The following IL6R variants were observed in gnomAD, a reference collection of about 807,000 sequenced individuals.
IL6R encodes the protein interleukin-6 receptor subunit alpha.
Under a neutral mutation model 48.3 loss-of-function variants are expected in IL6R, and 38 were observed. The observed-to-expected ratio is 0.79, with a 90% CI of 0.61 to 1.03. The LOEUF is 1.03. IL6R is among the 50% of genes least tolerant of loss of function. The pLI, the probability that IL6R is intolerant of heterozygous loss-of-function variation, is 0.00. For synonymous variants in IL6R, 264 were observed against 256.2 expected, an observed-to-expected ratio of 1.03 and a Z score of -0.29; for missense variants, 534 against 618.3, an observed-to-expected ratio of 0.86 and a Z score of 1.45.
intron 6 of IL6R, among the ~76,000 whole-genome samples, chr1:154,436,466 G>A (rs1158883214): frequency 6.6e-6 from 1 of 152,176 alleles, no homozygotes; most frequent in African/African-American, 2.4e-5. Flanking sequence ...TGATAAGAAC[G>A]AAACTCCGTC....
At chr1:154,414,836 G>A (rs1246515367) in intron 1 of IL6R, 4 of 754,840 alleles carry the variant, frequency 5.3e-6, no homozygotes, top group African/African-American at 1.7e-5. Flanking sequence ...AGGAGATTGA[G>A]GCCCAAGAGC....
At chr1:154,457,116 A>G (rs1690927836) in intron 9 of IL6R, among the ~76,000 whole-genome samples, 1 of 152,080 alleles carries the variant, frequency 6.6e-6, no homozygotes, top group Non-Finnish European at 1.5e-5. Flanking sequence ...TCATGTCAGG[A>G]GTTCAAGACC....
At chr1:154,448,875 C>CTTCTTTTTTTTT in intron 7 of IL6R, among the ~76,000 whole-genome samples, 1 of 73,330 alleles carries the variant, frequency 1.4e-5, no homozygotes, top group Non-Finnish European at 2.7e-5. Flanking sequence ...CTTGTAAGGG[C>CTTCTTTTTTTTT]TTTTTTTTTT....
At chr1:154,406,172 G>C (rs970204294) in intron 1 of IL6R, among the ~76,000 whole-genome samples, 3 of 152,026 alleles carry the variant, frequency 2.0e-5, no homozygotes, top group Non-Finnish European at 4.4e-5. Flanking sequence ...GGTCCACCTC[G>C]CCTGGTCCTC....
At chr1:154,414,468 T>C in intron 1 of IL6R, 1 of 1,130,630 alleles carries the variant, frequency 8.8e-7, no homozygotes, top group Non-Finnish European at 1.3e-6. Flanking sequence ...CCGGCAAAAC[T>C]ATATTAGTTG....
intron 1 of IL6R, among the ~76,000 whole-genome samples, chr1:154,418,589 G>T (rs1688485583): frequency 6.6e-6 from 1 of 152,212 alleles, no homozygotes; most frequent in African/African-American, 2.4e-5. Flanking sequence ...AGGTTGCTGG[G>T]CCTCCCATTA....
intron 9 of IL6R, among the ~76,000 whole-genome samples, chr1:154,457,906 G>A (rs1020437068): frequency 1.3e-5 from 2 of 151,988 alleles, no homozygotes; most frequent in African/African-American, 4.8e-5. Flanking sequence ...AGATTAGCAA[G>A]ATGACTACTC....
intron 8 of IL6R, among the ~76,000 whole-genome samples, chr1:154,451,611 C>CT (rs1443427474): frequency 2.0e-5 from 3 of 151,510 alleles, no homozygotes; most frequent in Admixed American, 1.3e-4. Flanking sequence ...GATTTTTTTT[C>CT]TTTTTTTTGA....
In IL6R at chr1:154,405,429, G is replaced by A; in HGVS notation, c.-201G>A. ...GCACTGACACTGAGCCGGGCCAGAGGGAGAGGAGCCGAGCGCGGCGCGGGG... is the reference window on the plus strand; with the variant it reads ...GCACTGACACTGAGCCGGGCCAGAGAGAGAGGAGCCGAGCGCGGCGCGGGG... On this transcript the variant is annotated 5_prime_UTR_variant, in exon 1 of 10. Coordinates refer to ENST00000368485, the MANE Select transcript of IL6R (RefSeq NM_000565.4). The surrounding 1 kb of genome is among the most constrained non-coding windows in gnomAD (Gnocchi z 5.2). The A allele has an allele frequency of 3.7e-6, 2 of 540,014 alleles. No homozygotes were observed. The highest frequency in any genetic ancestry group is 3.4e-5 in the East Asian group (1 of 29,274). 33.5% of individuals were successfully genotyped at this position (540,014 alleles called of 1,614,324 possible). A position where few individuals can be genotyped will look rare whatever the true frequency, so the allele number is the denominator to read the frequency against.
chr1:154,418,508 C>A, intron 1 of IL6R: 1 of 675,018 alleles, frequency 1.5e-6, no homozygotes, highest in Non-Finnish European at 1.8e-6. Flanking sequence ...GGAGCAGGGG[C>A]CTGCCAGCCA....
intron 8 of IL6R, among the ~76,000 whole-genome samples, chr1:154,452,623 A>G (rs1000001560): frequency 1.3e-5 from 2 of 151,768 alleles, no homozygotes; most frequent in African/African-American, 4.8e-5. Flanking sequence ...CGAGGTCAGG[A>G]GATCAGGACC....
chr1:154,465,179 A>C lies in IL6R; in HGVS notation c.1206A>C (p.Thr402=), dbSNP rs1302604079. The change falls in exon 10 of 10, where the codon ACA becomes ACC. Residue 402 remains threonine, a synonymous_variant. Transcript: ENST00000368485. The part of the protein sequence containing the change: ...WKLRALKEGK[T]SMHPPYSLGQ... ...TGCGGGCTCTGAAGGAAGGCAAGAC[A>C]AGCATGCATCCGCCGTACTCTTTGG... The C allele has an allele frequency of 3.7e-6, 6 of 1,614,040 alleles. No homozygotes were observed. Among genetic ancestry groups the C allele is most frequent in the Non-Finnish European group, 4.2e-6 (5 of 1,180,014 alleles).
chr1:154,430,065 A>G (rs1002897680), intron 2 of IL6R, among the ~76,000 whole-genome samples: 1 of 152,132 alleles, frequency 6.6e-6, no homozygotes, highest in Non-Finnish European at 1.5e-5. Context: ...CTTGTCAGGG[A>G]AAGCAGGCTT....
intron 1 of IL6R, among the ~76,000 whole-genome samples, chr1:154,418,150 G>A (rs1202509450): frequency 3.9e-5 from 6 of 152,214 alleles, no homozygotes; most frequent in South Asian, 2.1e-4. Context: ...GATTACAGGC[G>A]TGAGCTGCCG....
intron 1 of IL6R, chr1:154,414,255 A>G (rs1224231632): frequency 3.9e-6 from 2 of 515,982 alleles, no homozygotes; most frequent in Admixed American, 6.8e-5. Flanking sequence ...CCAATATTTT[A>G]TTTTTATTTA....
At chr1:154,425,380 G>A (rs1000247425) in intron 1 of IL6R, among the ~76,000 whole-genome samples, 39 of 152,104 alleles carry the variant, frequency 2.6e-4, no homozygotes, top group African/African-American at 8.0e-4. Flanking sequence ...CAAAACAATG[G>A]GAATGACCGC....
rs181101081 is a variant in IL6R, at chr1:154,456,218, T to A, written c.1160+1637T>A. 1.5e-3 allele frequency among the ~76,000 whole-genome samples: 233 copies of A among 151,354 alleles called. 1 individual carries two copies. Among genetic ancestry groups the A allele is most frequent in the African/African-American group, 5.3e-3 (220 of 41,310 alleles). ...CCATGAATAGATTCTTTTTTTTTTTTTTTTGAGATGGAGTTTCGCTTTTGT... is the reference window on the plus strand; with the variant it reads ...CCATGAATAGATTCTTTTTTTTTTTATTTTGAGATGGAGTTTCGCTTTTGT... On this transcript the variant is annotated intron_variant, in intron 9 of 9. Transcript: ENST00000368485.
chr1:154,430,436 C>T (rs1297574386), intron 2 of IL6R, 47 bp from the exon 3 acceptor site: 3 of 1,605,728 alleles, frequency 1.9e-6, no homozygotes, highest in Non-Finnish European at 2.5e-6. Flanking sequence ...TCAGTGCGCC[C>T]CAGGATCCCC....
chr1:154,410,524 T>C (rs1687962339), intron 1 of IL6R, among the ~76,000 whole-genome samples: 1 of 152,216 alleles, frequency 6.6e-6, no homozygotes. Context: ...GTGCTGGGAT[T>C]ACAGGCGTGA....
Sources: allele counts gnomAD v4.1 joint callset (sites outside exome capture counted in the v4.1 genomes callset), GRCh38; gene constraint gnomAD v4.1.1; non-coding constraint Gnocchi (gnomAD v3.1); transcripts MANE v1.5; gene names NCBI Gene and HGNC (gene_info 2026-07-23, HGNC 2026-07-21).